The following RSRC1 variants were observed in gnomAD, a reference collection of about 807,000 sequenced individuals.
RSRC1 encodes arginine and serine rich coiled-coil 1, also known as serine/Arginine-related protein 53.
In RSRC1, 39 loss-of-function variants were observed where a neutral mutation model predicts 49.1. That is an observed-to-expected ratio of 0.79 (90% CI 0.61 to 1.04). The LOEUF (loss-of-function observed/expected upper bound fraction) is 1.04, where lower values mean the gene tolerates loss of function less well. Ranked by LOEUF, RSRC1 falls within the 50% of genes least tolerant of loss-of-function variation. RSRC1 has a pLI of 0.00. For missense variants in RSRC1, 388 were observed against 402.4 expected (o/e 0.96, Z 0.31); for synonymous variants, 143 against 130.8 (o/e 1.09, Z -0.63).
intron 5 of RSRC1, among the ~76,000 whole-genome samples, chr3:158,323,656 C>A (rs1728890967): frequency 6.6e-6 from 1 of 152,116 alleles, no homozygotes; most frequent in Non-Finnish European, 1.5e-5. Context: ...GTAACATCCC[C>A]AAGCAAGAAG....
intron 6 of RSRC1, among the ~76,000 whole-genome samples, chr3:158,366,938 ACTCT>A (rs1731800985): frequency 1.3e-5 from 2 of 151,648 alleles, no homozygotes; most frequent in African/African-American, 4.8e-5. Context: ...TCATGATTTG[ACTCT>A]CTGTCTGTTA....
intron 7 of RSRC1, among the ~76,000 whole-genome samples, chr3:158,462,117 A>C (rs1309851428): frequency 1.3e-5 from 2 of 151,744 alleles, no homozygotes; most frequent in Admixed American, 6.6e-5. Flanking sequence ...TTGACCCCCA[A>C]ATATCCTGGC....
intron 3 of RSRC1, among the ~76,000 whole-genome samples, chr3:158,180,316 G>T (rs1296626347): frequency 6.1e-5 from 8 of 130,566 alleles, no homozygotes; most frequent in African/African-American, 2.3e-4. Context: ...AACTTTTATG[G>T]TTTTTTATTT....
At chr3:158,479,120 A>G (rs1293352547) in intron 7 of RSRC1, among the ~76,000 whole-genome samples, 1 of 151,174 alleles carries the variant, frequency 6.6e-6, no homozygotes, top group Non-Finnish European at 1.5e-5. Flanking sequence ...ATACCAAATA[A>G]ATAAAATATG....
At chr3:158,206,244 G>A (rs370395793) in intron 4 of RSRC1, among the ~76,000 whole-genome samples, 12 of 152,266 alleles carry the variant, frequency 7.9e-5, no homozygotes, top group Admixed American at 7.9e-4. Context: ...ACACCTTCTG[G>A]TTGAGAGATA....
intron 6 of RSRC1, among the ~76,000 whole-genome samples, chr3:158,356,571 ATTAC>A (rs1402186820): frequency 6.6e-6 from 1 of 152,098 alleles, no homozygotes; most frequent in African/African-American, 2.4e-5. Flanking sequence ...TGTAGAAAAC[ATTAC>A]TTACTAAAAT....
At chr3:158,472,157 AGTT>A (rs1018027526) in intron 7 of RSRC1, among the ~76,000 whole-genome samples, 2 of 152,132 alleles carry the variant, frequency 1.3e-5, no homozygotes, top group African/African-American at 4.8e-5. Flanking sequence ...TTTAAATCCA[AGTT>A]GTTTTATAAT....
chr3:158,522,907 A>C (rs555407462), intron 7 of RSRC1, among the ~76,000 whole-genome samples: 12 of 152,088 alleles, frequency 7.9e-5, no homozygotes, highest in African/African-American at 2.9e-4. Context: ...TCCAGCCTAC[A>C]CTCATTGACC....
At chr3:158,422,059 A>G (rs979355532) in intron 6 of RSRC1, among the ~76,000 whole-genome samples, 11 of 78,818 alleles carry the variant, frequency 1.4e-4, no homozygotes, top group Admixed American at 1.6e-4. Context: ...GAGAAGTTTC[A>G]GTTTTTCTTT....
At chr3:158,463,230 G>A (rs1027633326) in intron 7 of RSRC1, among the ~76,000 whole-genome samples, 2 of 152,018 alleles carry the variant, frequency 1.3e-5, no homozygotes, top group Non-Finnish European at 2.9e-5. Context: ...ACCAAAGAAT[G>A]TCAAAATACT....
At chr3:158,449,770 T>C (rs939363641) in intron 6 of RSRC1, among the ~76,000 whole-genome samples, 4 of 152,028 alleles carry the variant, frequency 2.6e-5, no homozygotes, top group Non-Finnish European at 4.4e-5. Context: ...TGTGCCGTAA[T>C]TTCTTTCTTG....
intron 5 of RSRC1, among the ~76,000 whole-genome samples, chr3:158,306,117 A>G (rs1385807773): frequency 6.6e-6 from 1 of 151,984 alleles, no homozygotes; most frequent in African/African-American, 2.4e-5. Flanking sequence ...TTTAAATATT[A>G]TAAAGTACCT....
intron 4 of RSRC1, among the ~76,000 whole-genome samples, chr3:158,222,359 T>A (rs369791031): frequency 4.0e-5 from 6 of 151,686 alleles, no homozygotes; most frequent in Admixed American, 1.3e-4. Context: ...CTATAGTTAA[T>A]AGCAATGTAT....
chr3:158,468,345 TTC>T (rs991352687), intron 7 of RSRC1, among the ~76,000 whole-genome samples: 12 of 152,182 alleles, frequency 7.9e-5, no homozygotes, highest in African/African-American at 2.7e-4. Flanking sequence ...ATTGAAAAAT[TTC>T]TGTCATTAAA....
chr3:158,119,713 CAT>C (rs910011182), intron 1 of RSRC1, among the ~76,000 whole-genome samples: 53 of 85,508 alleles, frequency 6.2e-4, no homozygotes, highest in South Asian at 3.2e-3. Flanking sequence ...GATATGGACA[CAT>C]GTGAATTTAT....
chr3:158,355,798 G>T (rs1358344433), intron 6 of RSRC1, among the ~76,000 whole-genome samples: 1 of 151,508 alleles, frequency 6.6e-6, no homozygotes, highest in South Asian at 2.1e-4. Flanking sequence ...ATACATGGTG[G>T]ATGTCTTCCA....
At chr3:158,455,248 G>A (rs1737246876) in intron 6 of RSRC1, among the ~76,000 whole-genome samples, 1 of 152,010 alleles carries the variant, frequency 6.6e-6, no homozygotes, top group South Asian at 2.1e-4. Flanking sequence ...TATATTCATG[G>A]TGATGCAGTA....
intron 6 of RSRC1, among the ~76,000 whole-genome samples, chr3:158,380,698 T>C (rs1416655765): frequency 3.9e-5 from 6 of 152,110 alleles, no homozygotes; most frequent in Admixed American, 3.3e-4. Flanking sequence ...GGGCAAGTTG[T>C]GGGAAAATAC....
chr3:158,311,254 T>C lies in RSRC1; in HGVS notation c.531+13179T>C, dbSNP rs1578320898. Among the ~76,000 whole-genome samples the C allele has an allele frequency of 3.9e-5, 6 of 152,088 alleles. 1 individual carries two copies. The East Asian group carries it at 1.2e-3, about 29-fold the overall frequency. On this transcript the variant is annotated intron_variant, in intron 5 of 9. Coordinates refer to ENST00000611884, the MANE Select transcript of RSRC1 (RefSeq NM_001271838.2). ...AACTATGAATTCCTTACGGTTAAAC[T>C]CATGTTTGTACTGCTTATATAGTCC...
Sources: gnomAD v4.1 joint callset for allele counts (sites outside exome capture counted in the v4.1 genomes callset) on GRCh38, gnomAD v4.1.1 for gene constraint, MANE v1.5 for transcripts, NCBI Gene and HGNC (gene_info 2026-07-23, HGNC 2026-07-21) for gene names.